Variants in CDH12 observed in about 807,000 individuals in gnomAD.
CDH12 encodes the protein cadherin-12.
CDH12 carries 41 observed loss-of-function variants against 74.1 expected under a neutral mutation model. The ratio of observed to expected loss-of-function variants is 0.55; its 90% CI spans 0.43 to 0.72. CDH12 has a LOEUF of 0.72. Among genes scored for constraint, CDH12 ranks in the 30% least tolerant of loss-of-function variants. The pLI is 0.00. For synonymous variants in CDH12, 399 were observed against 355.0 expected, an observed-to-expected ratio of 1.12 and a Z score of -1.39; for missense variants, 945 against 977.2, an observed-to-expected ratio of 0.97 and a Z score of 0.44.
At chr5:22,596,546 A>C (rs545326826) in intron 1 of CDH12, among the ~76,000 whole-genome samples, 1 of 152,344 alleles carries the variant, frequency 6.6e-6, no homozygotes, top group Non-Finnish European at 1.5e-5. Flanking sequence ...ATACAGGAAA[A>C]AGATAATCTG....
chr5:21,795,532 C>T (rs1391071311), intron 10 of CDH12, among the ~76,000 whole-genome samples: 7 of 151,766 alleles, frequency 4.6e-5, no homozygotes, highest in African/African-American at 1.7e-4. Flanking sequence ...AAAATCTCTG[C>T]TGCTGTGCAG....
chr5:22,640,025 G>A (rs1739063991), intron 1 of CDH12, among the ~76,000 whole-genome samples: 2 of 152,094 alleles, frequency 1.3e-5, no homozygotes, highest in African/African-American at 4.8e-5. Flanking sequence ...ACAACCATAT[G>A]CAGGGAGAGG....
intron 1 of CDH12, among the ~76,000 whole-genome samples, chr5:22,831,071 G>C (rs1408682577): frequency 6.6e-6 from 1 of 151,886 alleles, no homozygotes; most frequent in Non-Finnish European, 1.5e-5. Context: ...AAAGATGAGA[G>C]ATTCAAGAAT....
At chr5:22,737,048 G>A (rs942757480) in intron 1 of CDH12, among the ~76,000 whole-genome samples, 1 of 151,914 alleles carries the variant, frequency 6.6e-6, no homozygotes, top group Non-Finnish European at 1.5e-5. Context: ...AAGATATAGA[G>A]AGAAAGCATC....
At chr5:22,782,489 A>G (rs938169846) in intron 1 of CDH12, among the ~76,000 whole-genome samples, 1 of 152,108 alleles carries the variant, frequency 6.6e-6, no homozygotes, top group African/African-American at 2.4e-5. Flanking sequence ...GCTTTCCGTC[A>G]TAATTGTAAG....
intron 2 of CDH12, among the ~76,000 whole-genome samples, chr5:22,437,548 A>ACAT (rs1744447688): frequency 7.2e-6 from 1 of 139,266 alleles, no homozygotes; most frequent in Admixed American, 8.7e-5. Context: ...AGCAATTTAA[A>ACAT]AATAATAAAT....
chr5:22,483,770 AAT>A (rs1746481902), intron 2 of CDH12, among the ~76,000 whole-genome samples: 16 of 101,004 alleles, frequency 1.6e-4, no homozygotes, highest in South Asian at 3.2e-4. Context: ...ATATAAATTT[AAT>A]TAATTGGGCA....
At chr5:22,489,343 C>A (rs909641228) in intron 2 of CDH12, among the ~76,000 whole-genome samples, 2 of 151,840 alleles carry the variant, frequency 1.3e-5, no homozygotes, top group African/African-American at 4.8e-5. Context: ...AGGCGTGAGC[C>A]ACCACGCCCG....
At chr5:21,942,850 C>T (rs1038934410) in intron 6 of CDH12, among the ~76,000 whole-genome samples, 1 of 152,108 alleles carries the variant, frequency 6.6e-6, no homozygotes, top group African/African-American at 2.4e-5. Context: ...AATGAGTTGG[C>T]ATTGACTAGT....
At chr5:22,536,666 T>A (rs1276522456) in intron 1 of CDH12, among the ~76,000 whole-genome samples, 2 of 152,216 alleles carry the variant, frequency 1.3e-5, no homozygotes, top group African/African-American at 4.8e-5. Flanking sequence ...GTAGAGTATA[T>A]AACGCATTTG....
At chr5:21,759,081 C>T (rs78331216) in intron 13 of CDH12, among the ~76,000 whole-genome samples, 2,036 of 152,090 alleles carry the variant, frequency 0.013, 53 homozygotes, top group African/African-American at 0.047. Context: ...GAAATATACC[C>T]ATGTAACAAA....
intron 8 of CDH12, among the ~76,000 whole-genome samples, chr5:21,827,664 C>T (rs1017409387): frequency 1.3e-5 from 2 of 152,098 alleles, no homozygotes; most frequent in Non-Finnish European, 2.9e-5. Context: ...GCAAATGCAT[C>T]AGAAATTCCA....
At chr5:22,398,021 C>T (rs1742536905) in intron 3 of CDH12, among the ~76,000 whole-genome samples, 2 of 152,132 alleles carry the variant, frequency 1.3e-5, no homozygotes, top group Admixed American at 1.3e-4. Flanking sequence ...TGTGCATTAA[C>T]TACTCTTGCC....
chr5:21,969,071 C>T (rs1465413563), intron 6 of CDH12, among the ~76,000 whole-genome samples: 3 of 151,686 alleles, frequency 2.0e-5, no homozygotes, highest in Non-Finnish European at 4.4e-5. Context: ...TGCAGCAAAC[C>T]ACCCTGGCAC....
chr5:22,301,180 T>C (rs2150419808), intron 3 of CDH12, among the ~76,000 whole-genome samples: 1 of 152,284 alleles, frequency 6.6e-6, no homozygotes, highest in Non-Finnish European at 1.5e-5. Context: ...CCAGGCGTAT[T>C]TAAAAGCTGT....
intron 1 of CDH12, among the ~76,000 whole-genome samples, chr5:22,634,010 G>T (rs551035768): frequency 7.2e-5 from 11 of 152,156 alleles, no homozygotes; most frequent in Admixed American, 7.2e-4. Flanking sequence ...CTTTTGTATA[G>T]TATTGAAATG....
chr5:21,917,051 C>G (rs1306656460), intron 6 of CDH12, among the ~76,000 whole-genome samples: 1 of 152,176 alleles, frequency 6.6e-6, no homozygotes, highest in Non-Finnish European at 1.5e-5. Context: ...ACCTTTCCCT[C>G]CTCTCCCTCT....
At chr5:22,512,820 T>G (rs1338065132) in intron 1 of CDH12, among the ~76,000 whole-genome samples, 2 of 152,154 alleles carry the variant, frequency 1.3e-5, no homozygotes, top group Non-Finnish European at 2.9e-5. Context: ...CCCAACACTT[T>G]GGGAGGCCTA....
intron 3 of CDH12, among the ~76,000 whole-genome samples, chr5:22,244,389 G>A (rs1752844720): frequency 6.6e-6 from 1 of 150,520 alleles, no homozygotes; most frequent in Non-Finnish European, 1.5e-5. Context: ...CAGCTACTAG[G>A]GAGGATGAGG....
Sources: gnomAD v4.1 joint callset for allele counts (sites outside exome capture counted in the v4.1 genomes callset) on GRCh38, gnomAD v4.1.1 for gene constraint, MANE v1.5 for transcripts, NCBI Gene and HGNC (gene_info 2026-07-23, HGNC 2026-07-21) for gene names.